Variants in HPSE2 observed in about 807,000 individuals in gnomAD.
The protein encoded by HPSE2 is heparanase 2 (inactive), also known as inactive heparanase-2.
HPSE2 carries 38 observed loss-of-function variants against 60.5 expected under a neutral mutation model. The ratio of observed to expected loss-of-function variants is 0.63; its 90% CI spans 0.48 to 0.82. HPSE2 has a LOEUF of 0.82. Ranked by LOEUF, HPSE2 falls within the 40% of genes least tolerant of loss-of-function variation. HPSE2 has a pLI of 0.00. For synonymous variants in HPSE2, 295 were observed against 293.2 expected (o/e 1.01, Z -0.06); for missense variants, 713 against 740.4 (o/e 0.96, Z 0.43).
At chr10:98,847,263 C>A (rs1176792943) in intron 3 of HPSE2, among the ~76,000 whole-genome samples, 1 of 152,210 alleles carries the variant, frequency 6.6e-6, no homozygotes, top group African/African-American at 2.4e-5. Flanking sequence ...TCTGGTAACT[C>A]ATTTAATTCT....
chr10:98,859,992 C>G (rs1952414826), intron 3 of HPSE2, among the ~76,000 whole-genome samples: 1 of 152,018 alleles, frequency 6.6e-6, no homozygotes, highest in South Asian at 2.1e-4. Flanking sequence ...TTGATAATCT[C>G]TTACTGTACC....
At chr10:99,254,925 GAATGACTGA>G in the HPSE2 span, among the ~76,000 whole-genome samples, 1 of 152,138 alleles carries the variant, frequency 6.6e-6, no homozygotes, top group Non-Finnish European at 1.5e-5. Flanking sequence ...AGTTAATGAG[GAATGACTGA>G]TAACAGGTAA....
At chr10:99,128,826 C>T (rs1404570090) in intron 3 of HPSE2, among the ~76,000 whole-genome samples, 1 of 152,014 alleles carries the variant, frequency 6.6e-6, no homozygotes, top group Non-Finnish European at 1.5e-5. Context: ...GCACATGTAT[C>T]CCAGAACTTA....
At chr10:99,027,403 T>C (rs114163174) in intron 3 of HPSE2, among the ~76,000 whole-genome samples, 2,643 of 152,022 alleles carry the variant, frequency 0.017, 77 homozygotes, top group African/African-American at 0.061. Flanking sequence ...CTACCAAGAC[T>C]GAATCAAGAA....
At chr10:99,105,796 G>A (rs887178030) in intron 3 of HPSE2, among the ~76,000 whole-genome samples, 15 of 151,888 alleles carry the variant, frequency 9.9e-5, no homozygotes, top group Middle Eastern at 3.4e-3. Flanking sequence ...GCTAAACTTC[G>A]TGTGTGGTCT....
At chr10:98,695,641 T>C (rs1162673028) in intron 5 of HPSE2, among the ~76,000 whole-genome samples, 2 of 152,202 alleles carry the variant, frequency 1.3e-5, no homozygotes, top group African/African-American at 4.8e-5. Flanking sequence ...TAGCCAATTT[T>C]TGATGGAGTC....
At chr10:99,282,159 C>T in the HPSE2 span, among the ~76,000 whole-genome samples, 15 of 151,656 alleles carry the variant, frequency 9.9e-5, no homozygotes, top group Non-Finnish European at 1.9e-4. Flanking sequence ...CTCAGGAGGT[C>T]GAGGCAGGAG....
At chr10:98,538,069 C>T (rs953899402) in intron 9 of HPSE2, among the ~76,000 whole-genome samples, 1 of 152,230 alleles carries the variant, frequency 6.6e-6, no homozygotes. Context: ...ACCTGCTTCA[C>T]CTTGTCAATC....
chr10:99,101,499 G>C (rs1843984882), intron 3 of HPSE2, among the ~76,000 whole-genome samples: 1 of 152,140 alleles, frequency 6.6e-6, no homozygotes, highest in African/African-American at 2.4e-5. Context: ...CAAGTCCTTA[G>C]AGACCTACAA....
chr10:98,565,001 T>C (rs1342306376), intron 9 of HPSE2, among the ~76,000 whole-genome samples: 4 of 152,126 alleles, frequency 2.6e-5, no homozygotes, highest in Non-Finnish European at 4.4e-5. Context: ...TTCTGAGTGT[T>C]GTCCACATTA....
At chr10:99,178,324 T>C (rs1286497341) in intron 2 of HPSE2, among the ~76,000 whole-genome samples, 1 of 151,174 alleles carries the variant, frequency 6.6e-6, no homozygotes, top group Non-Finnish European at 1.5e-5. Flanking sequence ...AATCAATGAG[T>C]CCAGGAGCTG....
chr10:99,168,047 C>G (rs1192593539), intron 2 of HPSE2, among the ~76,000 whole-genome samples: 1 of 150,560 alleles, frequency 6.6e-6, no homozygotes, highest in African/African-American at 2.4e-5. Context: ...CGAATTTTAT[C>G]AAATGCTTTC....
At chr10:99,244,459 C>T in the HPSE2 span, among the ~76,000 whole-genome samples, 1 of 147,936 alleles carries the variant, frequency 6.8e-6, no homozygotes. Context: ...CAGGCTGGAG[C>T]GCAATGGTGT....
intron 3 of HPSE2, among the ~76,000 whole-genome samples, chr10:98,909,499 G>A (rs1220016571): frequency 1.3e-5 from 2 of 151,666 alleles, no homozygotes. Flanking sequence ...GCGTGGTGGT[G>A]GGCGCCTGTA....
intron 11 of HPSE2, among the ~76,000 whole-genome samples, chr10:98,474,842 A>AGTT (rs1480292095): frequency 2.6e-5 from 4 of 152,156 alleles, no homozygotes; most frequent in Non-Finnish European, 1.5e-5. Context: ...GCTTCCTGTT[A>AGTT]GTTGTTTGTT....
intron 3 of HPSE2, among the ~76,000 whole-genome samples, chr10:99,052,572 A>G (rs1473912037): frequency 6.6e-6 from 1 of 152,138 alleles, no homozygotes; most frequent in Non-Finnish European, 1.5e-5. Context: ...CAAGAAGCTC[A>G]ATAAACCAAA....
intron 2 of HPSE2, among the ~76,000 whole-genome samples, chr10:99,177,606 AC>A (rs1847579817): frequency 1.3e-5 from 2 of 152,156 alleles, no homozygotes; most frequent in African/African-American, 4.8e-5. Context: ...ATACAGGAGC[AC>A]CCAGATTCAT....
At chr10:99,128,581 A>C (rs1845255477) in intron 3 of HPSE2, among the ~76,000 whole-genome samples, 1 of 152,194 alleles carries the variant, frequency 6.6e-6, no homozygotes, top group Non-Finnish European at 1.5e-5. Flanking sequence ...TAACAAAGGA[A>C]TAGAAAACCA....
At chr10:98,461,242 G>C (rs1281258468) in intron 11 of HPSE2, among the ~76,000 whole-genome samples, 2 of 152,270 alleles carry the variant, frequency 1.3e-5, no homozygotes, top group African/African-American at 2.4e-5. Flanking sequence ...GCTAGGCAGA[G>C]AAGAGATCCA....
Sources: allele counts gnomAD v4.1 joint callset (sites outside exome capture counted in the v4.1 genomes callset), GRCh38; gene constraint gnomAD v4.1.1; transcripts MANE v1.5; gene names NCBI Gene and HGNC (gene_info 2026-07-23, HGNC 2026-07-21).